The following CACNA2D4 variants were observed in gnomAD, a reference collection of about 807,000 sequenced individuals.
The protein encoded by CACNA2D4 is voltage-dependent calcium channel subunit alpha-2/delta-4.
CACNA2D4 carries 157 observed loss-of-function variants against 163.8 expected under a neutral mutation model. That is an observed-to-expected ratio of 0.96 (90% confidence interval 0.84 to 1.09). The LOEUF is 1.09. Ranked by LOEUF, CACNA2D4 falls within the 50% of genes least tolerant of loss-of-function variation. The pLI, the probability that CACNA2D4 is intolerant of heterozygous loss-of-function variation, is 0.00. For missense variants in CACNA2D4, 1,410 were observed against 1,479.9 expected (o/e 0.95, Z 0.78); for synonymous variants, 598 against 586.9 (o/e 1.02, Z -0.27).
At chr12:1,867,053 T>A (rs1865667394) in intron 18 of CACNA2D4, among the ~76,000 whole-genome samples, 2 of 152,204 alleles carry the variant, frequency 1.3e-5, no homozygotes, top group African/African-American at 4.8e-5. Context: ...TTGTTGGTTC[T>A]TATATACAGC....
At position 1,797,497 on chromosome 12, in the gene CACNA2D4, C is replaced by T. The variant is rs746617335; in HGVS notation, c.3034G>A (p.Asp1012Asn). ...TACACGAACACGGGGTACTCCGTGT[C>T]GCAGGGCTGCAGCGGGTCCTGCTTC... Reference protein sequence around the residue: ...HKKQDPLQPCDTEYPVFVYQP... With the variant: ...HKKQDPLQPCNTEYPVFVYQP... Residue 1012 changes from aspartate to asparagine, a missense_variant, in exon 35 of 38, where the codon GAC becomes AAC. Asp to Asn is a conservative substitution (Grantham distance 23, BLOSUM62 1). Coordinates refer to ENST00000382722, the MANE Select transcript of CACNA2D4 (RefSeq NM_172364.5). 1.0e-4 allele frequency: 159 copies of T among 1,583,534 alleles called. No individual in the cohort carries two copies. The East Asian group carries it at 2.7e-3, about 27-fold the overall frequency.
At chr12:1,886,193 A>G (rs1357992734) in intron 8 of CACNA2D4, 30 bp downstream of exon 8, 3 of 1,607,876 alleles carry the variant, frequency 1.9e-6, no homozygotes, top group African/African-American at 1.3e-5. Context: ...AGCAAGTGAG[A>G]GCTATTCTAG....
In CACNA2D4 at chr12:1,799,898, AC is replaced by A; in HGVS notation, c.2974+101del. On this transcript the variant is annotated intron_variant, in intron 33 of 37. Coordinates refer to ENST00000382722, the MANE Select transcript of CACNA2D4 (RefSeq NM_172364.5). This position sits in a 1 kb window ranked among gnomAD's most constrained non-coding sequence, Gnocchi z 4.7. ...ATGTGAACAACGATGCTTCAGGGTCACCTATCCCCACTGTCACCCACCCCAC... is the reference window on the plus strand; with the variant it reads ...ATGTGAACAACGATGCTTCAGGGTCACTATCCCCACTGTCACCCACCCCAC... 2.2e-6 allele frequency: 3 copies of A among 1,348,564 alleles called. No homozygotes were observed. Among genetic ancestry groups the A allele is most frequent in the Non-Finnish European group, 3.1e-6 (3 of 968,878 alleles). The allele number at this position is 1,348,564 out of a possible 1,614,324, so 83.5% of individuals were successfully genotyped here. A position where few individuals can be genotyped will look rare whatever the true frequency, so the allele number is the denominator to read the frequency against.
intron 18 of CACNA2D4, among the ~76,000 whole-genome samples, chr12:1,864,132 T>G (rs533000157): frequency 1.3e-5 from 2 of 152,342 alleles, no homozygotes; most frequent in East Asian, 3.9e-4. Flanking sequence ...CTTAGGATTT[T>G]CCCTCTCTAC....
intron 6 of CACNA2D4, among the ~76,000 whole-genome samples, chr12:1,890,823 C>T (rs577187472): frequency 9.2e-5 from 14 of 152,322 alleles, no homozygotes; most frequent in South Asian, 8.3e-4. Context: ...ACTCTACCAT[C>T]GTTGGCACCT....
chr12:1,909,864 C>T (rs368055948), intron 4 of CACNA2D4, 42 bp downstream of exon 4: 12 of 1,584,884 alleles, frequency 7.6e-6, no homozygotes, highest in East Asian at 2.2e-5. Flanking sequence ...GGTACTCAGG[C>T]GATCCTGGCC....
intron 13 of CACNA2D4, among the ~76,000 whole-genome samples, chr12:1,882,177 A>T (rs1309669000): frequency 2.0e-5 from 3 of 152,198 alleles, no homozygotes; most frequent in Non-Finnish European, 4.4e-5. Flanking sequence ...GACAGCAGGG[A>T]GGAGCCTGGG....
chr12:1,800,133 G>C lies in CACNA2D4; in HGVS notation c.2922-81C>G, dbSNP rs1863262718. 2.2e-6 allele frequency: 3 copies of C among 1,375,158 alleles called. No homozygotes were observed. In the South Asian group the frequency reaches 3.7e-5, roughly 17 times the overall value. 85.2% of individuals were successfully genotyped at this position (1,375,158 alleles called of 1,614,324 possible). ...CCAAGGAGCTGGAGTATCCCTGACA[G>C]CCCCCGGCCCATCCCCTCTCCTCCA... On this transcript the variant is annotated intron_variant, in intron 32 of 37. Coordinates refer to ENST00000382722, the MANE Select transcript of CACNA2D4 (RefSeq NM_172364.5).
At chr12:1,886,161 G>A in intron 8 of CACNA2D4, 62 bp downstream of exon 8, 1 of 1,587,450 alleles carries the variant, frequency 6.3e-7, no homozygotes. Flanking sequence ...GGGTCACCTT[G>A]GTACCTGTGT....
intron 6 of CACNA2D4, among the ~76,000 whole-genome samples, chr12:1,903,922 A>G (rs1331602148): frequency 6.6e-6 from 1 of 152,130 alleles, no homozygotes; most frequent in Admixed American, 6.5e-5. Flanking sequence ...CTGCACTCCC[A>G]TGTTTACTGC....
In CACNA2D4 at chr12:1,828,230, G is replaced by A; in HGVS notation, c.2551+12509C>T. 6.6e-7 allele frequency: 1 copy of A among 1,511,994 alleles called. No individual in the cohort carries two copies. The highest frequency in any genetic ancestry group is 8.8e-7 in the Non-Finnish European group (1 of 1,138,770). 93.7% of individuals were successfully genotyped at this position (1,511,994 alleles called of 1,614,324 possible). On this transcript the variant is annotated intron_variant, in intron 26 of 37. Coordinates refer to ENST00000382722, the MANE Select transcript of CACNA2D4 (RefSeq NM_172364.5). This position sits in a 1 kb window ranked among gnomAD's most constrained non-coding sequence, Gnocchi z 4.2. ...GCAAGTCTCCTGTGAGTACACCCCT[G>A]GCCTCGGAGGGGGGTGCGGGTTGGG...
chr12:1,795,570 G>A, intron 36 of CACNA2D4, 98 bp downstream of exon 36: 1 of 972,310 alleles, frequency 1.0e-6, no homozygotes, highest in Non-Finnish European at 1.6e-6. Context: ...GACACGGGCG[G>A]TGAAGGAGGC....
chr12:1,895,193 A>G (rs537949694), intron 6 of CACNA2D4, among the ~76,000 whole-genome samples: 1 of 152,316 alleles, frequency 6.6e-6, no homozygotes, highest in South Asian at 2.1e-4. Flanking sequence ...AAGGACCTGC[A>G]TAAGGAAAGC....
intron 26 of CACNA2D4, among the ~76,000 whole-genome samples, chr12:1,826,407 C>CT (rs1286388046): frequency 5.0e-5 from 3 of 59,482 alleles, no homozygotes; most frequent in African/African-American, 9.5e-5. Flanking sequence ...AGAGCCCCCC[C>CT]CCCCCCCCCG....
At position 1,844,407 on chromosome 12, in the gene CACNA2D4, C is replaced by T. The variant is rs929231454; in HGVS notation, c.2465G>A (p.Gly822Glu). 2.5e-6 allele frequency: 4 copies of T among 1,613,338 alleles called. No homozygotes were observed. Among genetic ancestry groups the T allele is most frequent in the Admixed American group, 1.7e-5 (1 of 59,954 alleles). The change falls in exon 25 of 38, where the codon GGA becomes GAA. Residue 822 changes from glycine to glutamate, a missense_variant. Transcript: ENST00000382722. This position sits in a 1 kb window ranked among gnomAD's most constrained non-coding sequence, Gnocchi z 4.2. ...SFVFNLRWAE[G>E]PESAGEPMVV... ...AGCACCGGGCTGTGTGTTACCTGGT[C>T]CTTCTGCCCAGCGGAGGTTGAAGAC...
intron 32 of CACNA2D4, 97 bp downstream of exon 32, chr12:1,800,289 G>A (rs1565670292): frequency 5.2e-6 from 7 of 1,350,410 alleles, no homozygotes; most frequent in South Asian, 1.2e-5. Context: ...TAGCAAGTGG[G>A]TTGTCCTGGA....
intron 20 of CACNA2D4, 21 bp from the exon 21 acceptor site, chr12:1,856,250 C>A: frequency 6.2e-7 from 1 of 1,613,826 alleles, no homozygotes; most frequent in South Asian, 1.1e-5. Flanking sequence ...AGTCCACATT[C>A]AGGGTGATGC....
At chr12:1,846,075 G>A (rs908038908) in intron 24 of CACNA2D4, among the ~76,000 whole-genome samples, 3 of 152,130 alleles carry the variant, frequency 2.0e-5, no homozygotes, top group Non-Finnish European at 4.4e-5. Context: ...AGGTGGGAGT[G>A]GGTGGCTCAA....
At chr12:1,862,431 TTTTTG>T (rs375617882) in intron 18 of CACNA2D4, among the ~76,000 whole-genome samples, 18 of 152,218 alleles carry the variant, frequency 1.2e-4, no homozygotes, top group African/African-American at 2.4e-4. Flanking sequence ...AGTTTTTTGG[TTTTTG>T]TTTTGTTTTG....
Sources: allele counts gnomAD v4.1 joint callset (sites outside exome capture counted in the v4.1 genomes callset), GRCh38; gene constraint gnomAD v4.1.1; non-coding constraint Gnocchi (gnomAD v3.1); transcripts MANE v1.5; gene names NCBI Gene and HGNC (gene_info 2026-07-23, HGNC 2026-07-21).